Variants in PPARGC1B observed in about 807,000 individuals in gnomAD.
PPARGC1B encodes peroxisome proliferator-activated receptor gamma coactivator 1-beta.
Under a neutral mutation model 101.6 loss-of-function variants are expected in PPARGC1B, and 34 were observed. The observed-to-expected ratio is 0.33, with a 90% CI of 0.25 to 0.45. PPARGC1B has a LOEUF of 0.45. PPARGC1B is among the 20% of genes least tolerant of loss of function. The pLI is 1.00. For missense variants in PPARGC1B, 1,234 were observed against 1,317.6 expected, an observed-to-expected ratio of 0.94 and a Z score of 0.98; for synonymous variants, 548 against 539.3, an observed-to-expected ratio of 1.02 and a Z score of -0.22.
rs1393910552 is a variant in PPARGC1B at position 149,853,644 on chromosome 5, T to C, written c.*6086T>C. On this transcript the variant is annotated 3_prime_UTR_variant, in exon 12 of 12. Transcript: ENST00000309241. This position sits in a 1 kb window ranked among gnomAD's most constrained non-coding sequence, Gnocchi z 4.2. ...TCCCCGAATAGCCAAATAGTTTTTT[T>C]TGTTCAATTTTTTGTTTCTGTATTT... 6.6e-6 allele frequency: 1 copy of C among 152,266 alleles called. No individual in the cohort carries two copies. Among genetic ancestry groups the C allele is most frequent in the Non-Finnish European group, 1.5e-5 (1 of 68,052 alleles). 9.4% of individuals were successfully genotyped at this position (152,266 alleles called of 1,614,324 possible).
At chr5:149,734,090 G>A (rs1754598643) in intron 1 of PPARGC1B, among the ~76,000 whole-genome samples, 1 of 151,986 alleles carries the variant, frequency 6.6e-6, no homozygotes, top group Admixed American at 6.5e-5. Flanking sequence ...GGGAGGCCGA[G>A]GCGGGTGAAT....
intron 1 of PPARGC1B, among the ~76,000 whole-genome samples, chr5:149,734,265 T>A (rs184244498): frequency 7.5e-6 from 1 of 134,030 alleles, no homozygotes; most frequent in Non-Finnish European, 1.5e-5. Flanking sequence ...GAGGTTGCAG[T>A]GAGCCGAGAT....
Position 149,833,315 on chromosome 5 carries a change from G to A in PPARGC1B, c.1242G>A (p.Leu414=). The change falls in exon 5 of 12, where the codon CTG becomes CTA. Residue 414 remains leucine, a synonymous_variant. Coordinates refer to ENST00000309241, the MANE Select transcript of PPARGC1B (RefSeq NM_133263.4). The surrounding 1 kb of genome is among the most constrained non-coding windows in gnomAD (Gnocchi z 4.1). ...GACCAAGCCTGCGCCCACTGCGGCT[G>A]GAGGTGAAAAGGGAGGTCCGCCGGC... ...GPRPSLRPLR[L]EVKREVRRPA... The A allele has an allele frequency of 6.2e-7, 1 of 1,613,498 alleles. No homozygotes were observed. Among genetic ancestry groups the A allele is most frequent in the East Asian group, 2.2e-5 (1 of 44,870 alleles).
In PPARGC1B at chr5:149,775,797, G is replaced by T. The variant is rs139918595; in HGVS notation, c.79-44636G>T. 8.0e-3 allele frequency among the ~76,000 whole-genome samples: 1,213 copies of T among 152,162 alleles called. 11 individuals carry two copies. The highest frequency in any genetic ancestry group is 0.028 in the African/African-American group (1,155 of 41,516). ...ATTTTCTGATCAGATTCTGCCTTTG[G>T]ATCTCCTTCTCCAATTCACCCCCTA... On this transcript the variant is annotated intron_variant, in intron 1 of 11. Coordinates refer to ENST00000309241, the MANE Select transcript of PPARGC1B (RefSeq NM_133263.4).
downstream of PPARGC1B, among the ~76,000 whole-genome samples, chr5:149,856,955 G>C (rs1330469044): frequency 6.6e-6 from 1 of 152,024 alleles, no homozygotes; most frequent in Non-Finnish European, 1.5e-5. Flanking sequence ...ATTTTTAGTA[G>C]AGACAGGGTT....
At chr5:149,754,979 C>CTA (rs1171122372) in intron 1 of PPARGC1B, among the ~76,000 whole-genome samples, 1 of 147,062 alleles carries the variant, frequency 6.8e-6, no homozygotes. Context: ...AACACACACA[C>CTA]TATATATATA....
At chr5:149,748,584 G>A (rs111519027) in intron 1 of PPARGC1B, among the ~76,000 whole-genome samples, 13 of 152,298 alleles carry the variant, frequency 8.5e-5, no homozygotes, top group Non-Finnish European at 1.6e-4. Context: ...AGGTGCCCAG[G>A]GCAGAGTGTC....
At chr5:149,802,901 A>G (rs1213411684) in intron 1 of PPARGC1B, among the ~76,000 whole-genome samples, 1 of 152,166 alleles carries the variant, frequency 6.6e-6, no homozygotes, top group Non-Finnish European at 1.5e-5. Context: ...CTGCTAGTTC[A>G]TGGACCACAA....
At chr5:149,784,806 A>G (rs1298328061) in intron 1 of PPARGC1B, among the ~76,000 whole-genome samples, 2 of 151,868 alleles carry the variant, frequency 1.3e-5, no homozygotes, top group African/African-American at 4.8e-5. Flanking sequence ...TGACCTTGTC[A>G]TCCGCCTGCC....
Position 149,730,563 on chromosome 5 carries a change from C to T in PPARGC1B, c.78+143C>T, listed in dbSNP as rs973778782. On this transcript the variant is annotated intron_variant, in intron 1 of 11. Coordinates refer to ENST00000309241, the MANE Select transcript of PPARGC1B (RefSeq NM_133263.4). The surrounding 1 kb of genome is among the most constrained non-coding windows in gnomAD (Gnocchi z 4.0). The stretch of plus-strand genomic sequence containing the variant: ...GGCTGCAGAGCCCCCCTTCCAGGCG[C>T]CCTGCGATGCGCTCCGTTACCGGGG... 331 of 592,930 alleles carry T rather than the reference C, an allele frequency of 5.6e-4. 2 individuals are homozygous for T. In the East Asian group the frequency reaches 0.011, roughly 20 times the overall value. The allele number at this position is 592,930 out of a possible 1,614,324, so 36.7% of individuals were successfully genotyped here.
chr5:149,821,730 A>G (rs1348243417), intron 2 of PPARGC1B, among the ~76,000 whole-genome samples: 2 of 152,192 alleles, frequency 1.3e-5, no homozygotes, highest in African/African-American at 2.4e-5. Flanking sequence ...TGTGTCAGGC[A>G]CTGTGTTCAT....
chr5:149,827,664 C>T (rs1035439457), intron 3 of PPARGC1B, among the ~76,000 whole-genome samples: 2 of 152,204 alleles, frequency 1.3e-5, no homozygotes, highest in Non-Finnish European at 2.9e-5. Context: ...AGATTGCCCT[C>T]CAAAGATGTT....
In PPARGC1B at chr5:149,837,786, A is replaced by C. The variant is rs2113423007; in HGVS notation, c.2618+713A>C. On this transcript the variant is annotated intron_variant, in intron 8 of 11. Coordinates refer to ENST00000309241, the MANE Select transcript of PPARGC1B (RefSeq NM_133263.4). The surrounding 1 kb of genome is among the most constrained non-coding windows in gnomAD (Gnocchi z 4.2). ...TCCTCTCTGATCACAGTGGGTCCTG[A>C]TTCTCCCTGGGGAAGGCTTGAGGAC... is the stretch of plus-strand genomic sequence containing the variant. Among the ~76,000 whole-genome samples the C allele has an allele frequency of 6.6e-6, 1 of 152,306 alleles. No individual in the cohort carries two copies. Among genetic ancestry groups the C allele is most frequent in the African/African-American group, 2.4e-5 (1 of 41,566 alleles).
chr5:149,816,137 G>A (rs1447093073), intron 1 of PPARGC1B, among the ~76,000 whole-genome samples: 1 of 152,232 alleles, frequency 6.6e-6, no homozygotes, highest in African/African-American at 2.4e-5. Flanking sequence ...ATATGGAGAT[G>A]GCCAGAGAAA....
chr5:149,775,213 G>T (rs1011067455), intron 1 of PPARGC1B, among the ~76,000 whole-genome samples: 4 of 152,192 alleles, frequency 2.6e-5, no homozygotes, highest in Non-Finnish European at 5.9e-5. Flanking sequence ...TGGGGGCAGA[G>T]GCAGCTGAGA....
intron 1 of PPARGC1B, among the ~76,000 whole-genome samples, chr5:149,788,344 A>G (rs888820559): frequency 9.8e-5 from 15 of 152,384 alleles, no homozygotes; most frequent in Non-Finnish European, 1.8e-4. Flanking sequence ...ATAACTGGCC[A>G]TCAGAGAAAT....
intron 1 of PPARGC1B, among the ~76,000 whole-genome samples, chr5:149,745,527 A>G (rs550828194): frequency 6.6e-6 from 1 of 152,232 alleles, no homozygotes; most frequent in Non-Finnish European, 1.5e-5. Flanking sequence ...GTCTGTCATG[A>G]ACTCTGCCAG....
rs184640333 is a variant in PPARGC1B at position 149,752,760 on chromosome 5, C to T, written c.78+22340C>T. Among the ~76,000 whole-genome samples, 29 of 152,256 alleles carry T rather than the reference C, an allele frequency of 1.9e-4. 2 individuals are homozygous for T. The highest frequency in any genetic ancestry group is 6.0e-4 in the African/African-American group (25 of 41,538). On this transcript the variant is annotated intron_variant, in intron 1 of 11. Transcript: ENST00000309241. ...AGGAGAATCGCTTGAACCCGGGAGACGGAGGTTGCAGTGAGCCAAGATCGT... is the reference window on the plus strand; with the variant it reads ...AGGAGAATCGCTTGAACCCGGGAGATGGAGGTTGCAGTGAGCCAAGATCGT...
intron 1 of PPARGC1B, among the ~76,000 whole-genome samples, chr5:149,735,336 G>T (rs1017753388): frequency 6.6e-6 from 1 of 152,136 alleles, no homozygotes; most frequent in Non-Finnish European, 1.5e-5. Context: ...TTAGCAGCTC[G>T]TGCAGGCCAG....
Sources: gnomAD v4.1 joint callset for allele counts (sites outside exome capture counted in the v4.1 genomes callset) on GRCh38, gnomAD v4.1.1 for gene constraint, Gnocchi (gnomAD v3.1) non-coding constraint, MANE v1.5 for transcripts, NCBI Gene and HGNC (gene_info 2026-07-23, HGNC 2026-07-21) for gene names.